Variants in PCDHA2 observed in about 807,000 individuals in gnomAD.
PCDHA2 encodes the protein protocadherin alpha-2.
A neutral mutation model predicts 66.0 loss-of-function variants in PCDHA2; 58 were observed. The observed-to-expected ratio is 0.88, with a 90% confidence interval of 0.71 to 1.09. The LOEUF (loss-of-function observed/expected upper bound fraction) is 1.09, where lower values mean the gene tolerates loss of function less well. Ranked by LOEUF, PCDHA2 falls within the 50% of genes least tolerant of loss-of-function variation. The pLI is 0.00. For missense variants in PCDHA2, 1,267 were observed against 1,242.3 expected (o/e 1.02, Z -0.30); for synonymous variants, 634 against 554.0 (o/e 1.14, Z -2.03).
intron 1 of PCDHA2, chr5:140,803,462 G>T (rs782807269): frequency 6.2e-7 from 1 of 1,614,250 alleles, no homozygotes; most frequent in Non-Finnish European, 8.5e-7. Flanking sequence ...AGCAGAGGCA[G>T]CAGAGGGTGT....
chr5:140,963,838 T>C (rs1414191733), intron 1 of PCDHA2, among the ~76,000 whole-genome samples: 3 of 152,254 alleles, frequency 2.0e-5, no homozygotes, highest in Admixed American at 1.3e-4. Context: ...CATTTTCTCA[T>C]GTAATCATAA....
Position 140,876,739 on chromosome 5 carries a change from C to T in PCDHA2, c.2388+79387C>T, listed in dbSNP as rs782400807. The T allele has an allele frequency of 7.4e-6, 12 of 1,614,126 alleles. No homozygotes were observed. The South Asian group carries it at 1.1e-4, about 15-fold the overall frequency. ...CCGCGAGAGCGTGTCGGCCTATGAG[C>T]TGGTGGTGACTGCGCGGGATGGGGG... On this transcript the variant is annotated intron_variant, in intron 1 of 3. Coordinates refer to ENST00000526136, the MANE Select transcript of PCDHA2 (RefSeq NM_018905.3).
At chr5:140,955,312 C>T (rs1022804259) in intron 1 of PCDHA2, among the ~76,000 whole-genome samples, 2 of 152,100 alleles carry the variant, frequency 1.3e-5, no homozygotes, top group Admixed American at 6.6e-5. Flanking sequence ...ACCCAAATCT[C>T]ACCTTGAATT....
rs1554135389 is a variant in PCDHA2 at position 140,835,887 on chromosome 5, C to T, written c.2388+38535C>T. The T allele has an allele frequency of 3.7e-6, 6 of 1,611,898 alleles. No homozygotes were observed. In the East Asian group the frequency reaches 1.1e-4, roughly 30 times the overall value. ...GCTGGTGGAGCTGCGGGTGGGCGAG[C>T]GCGCGCTGTCGAGCTACGTGTCAGT... is the stretch of plus-strand genomic sequence containing the variant. On this transcript the variant is annotated intron_variant, in intron 1 of 3. Transcript: ENST00000526136.
intron 1 of PCDHA2, chr5:140,836,100 A>T (rs782621778): frequency 6.2e-7 from 1 of 1,613,700 alleles, no homozygotes; most frequent in Non-Finnish European, 8.5e-7. Flanking sequence ...GGTGGGTGGC[A>T]CTGGTGGCGC....
rs574473083 is a variant in PCDHA2, at chr5:140,908,105, C to T, written c.2389-70844C>T. ...CAGGTGCACTGATTGAAGTTCTGTC[C>T]ACTGGGAAGATTTCCCTTCACTGCT... is the stretch of plus-strand genomic sequence containing the variant. On this transcript the variant is annotated intron_variant, in intron 1 of 3. Coordinates refer to ENST00000526136, the MANE Select transcript of PCDHA2 (RefSeq NM_018905.3). Among the ~76,000 whole-genome samples the T allele has an allele frequency of 5.3e-5, 8 of 152,304 alleles. No individual in the cohort carries two copies. In the East Asian group the frequency reaches 1.4e-3, roughly 26 times the overall value.
chr5:140,882,116 GTTTC>G (rs1420968771), intron 1 of PCDHA2: 4 of 1,427,956 alleles, frequency 2.8e-6, no homozygotes, highest in South Asian at 1.4e-5. Flanking sequence ...GAAAGCCGCC[GTTTC>G]TTTCTTCCTG....
chr5:140,995,102 C>A (rs976806158), intron 3 of PCDHA2, among the ~76,000 whole-genome samples: 3 of 152,312 alleles, frequency 2.0e-5, no homozygotes, highest in Middle Eastern at 6.8e-3. Context: ...GAGATACATT[C>A]CAAGACCCTC....
chr5:140,914,982 T>C (rs1411265179), intron 1 of PCDHA2, among the ~76,000 whole-genome samples: 1 of 149,996 alleles, frequency 6.7e-6, no homozygotes, highest in Non-Finnish European at 1.5e-5. Context: ...AGTCTTGCTC[T>C]GCTACCAGGC....
intron 1 of PCDHA2, chr5:140,842,293 C>A: frequency 6.2e-7 from 1 of 1,609,994 alleles, no homozygotes; most frequent in Non-Finnish European, 8.5e-7. Context: ...ACGCCACGGA[C>A]AAAGGCCATC....
chr5:140,997,814 T>C (rs2097786801), intron 3 of PCDHA2, among the ~76,000 whole-genome samples: 1 of 152,212 alleles, frequency 6.6e-6, no homozygotes, highest in Admixed American at 6.5e-5. Context: ...GCTGTTGGTA[T>C]CTATGTTTTC....
intron 1 of PCDHA2, chr5:140,823,622 G>A: frequency 6.2e-7 from 1 of 1,614,026 alleles, no homozygotes; most frequent in Middle Eastern, 1.7e-4. Context: ...GCGCCTGGCA[G>A]TGCGCGCATC....
At chr5:140,939,317 A>T (rs2092365663) in intron 1 of PCDHA2, among the ~76,000 whole-genome samples, 1 of 152,148 alleles carries the variant, frequency 6.6e-6, no homozygotes, top group Admixed American at 6.5e-5. Flanking sequence ...CTACCTCCTA[A>T]TATCATAATC....
At chr5:140,911,892 G>A (rs2075679347) in intron 1 of PCDHA2, among the ~76,000 whole-genome samples, 1 of 152,176 alleles carries the variant, frequency 6.6e-6, no homozygotes. Flanking sequence ...ACCAAAATCT[G>A]TATTAGTCAG....
At chr5:140,890,995 AATTATTG>A (rs2062893933) in intron 1 of PCDHA2, among the ~76,000 whole-genome samples, 1 of 152,138 alleles carries the variant, frequency 6.6e-6, no homozygotes, top group Non-Finnish European at 1.5e-5. Context: ...ATTTCATCAT[AATTATTG>A]AAAAGCATTT....
At chr5:140,932,192 T>C (rs1359260162) in intron 1 of PCDHA2, among the ~76,000 whole-genome samples, 4 of 151,968 alleles carry the variant, frequency 2.6e-5, no homozygotes, top group African/African-American at 9.6e-5. Context: ...GTCCATTTTT[T>C]TCTGTTAATA....
chr5:140,823,376 T>C (rs2150125148), intron 1 of PCDHA2: 16 of 1,612,654 alleles, frequency 9.9e-6, no homozygotes, highest in Non-Finnish European at 1.4e-5. Context: ...CAGTTCCAGG[T>C]GAGCGCGCGC....
At chr5:140,830,476 T>C in intron 1 of PCDHA2, 1 of 1,551,430 alleles carries the variant, frequency 6.4e-7, no homozygotes, top group Non-Finnish European at 8.7e-7. Flanking sequence ...ATGAAGATCA[T>C]GATGCCAAAG....
At chr5:140,856,778 C>T (rs782280474) in intron 1 of PCDHA2, 2 of 1,596,260 alleles carry the variant, frequency 1.3e-6, no homozygotes, top group Admixed American at 3.4e-5. Context: ...CTTTGACAGA[C>T]CGGTTTATGA....
Sources: allele counts gnomAD v4.1 joint callset (sites outside exome capture counted in the v4.1 genomes callset), GRCh38; gene constraint gnomAD v4.1.1; transcripts MANE v1.5; gene names NCBI Gene and HGNC (gene_info 2026-07-23, HGNC 2026-07-21).